The following RIMS1 variants were observed in gnomAD, a reference collection of about 807,000 sequenced individuals.
RIMS1 encodes regulating synaptic membrane exocytosis 1, also known as regulating synaptic membrane exocytosis protein 1.
In RIMS1, 83 loss-of-function variants were observed where a neutral mutation model predicts 214.1. That is an observed-to-expected ratio of 0.39 (90% CI 0.32 to 0.47). RIMS1 has a LOEUF of 0.47. Ranked by LOEUF, RIMS1 falls within the 20% of genes least tolerant of loss-of-function variation. The pLI, the probability that RIMS1 is intolerant of heterozygous loss-of-function variation, is 0.99. For missense variants in RIMS1, 2,050 were observed against 2,161.8 expected, an observed-to-expected ratio of 0.95 and a Z score of 1.03; for synonymous variants, 793 against 786.8, an observed-to-expected ratio of 1.01 and a Z score of -0.13.
intron 4 of RIMS1, among the ~76,000 whole-genome samples, chr6:72,132,998 C>T (rs1227006151): frequency 6.6e-6 from 1 of 151,954 alleles, no homozygotes; most frequent in Non-Finnish European, 1.5e-5. Context: ...CTAGTCATGA[C>T]AAATGAGAAA....
chr6:72,199,907 A>G (rs1312276434), intron 6 of RIMS1, among the ~76,000 whole-genome samples: 1 of 152,132 alleles, frequency 6.6e-6, no homozygotes, highest in Non-Finnish European at 1.5e-5. Context: ...ACGACTAAGA[A>G]AATATCTAAA....
At chr6:72,250,713 A>T (rs1433823858) in intron 13 of RIMS1, among the ~76,000 whole-genome samples, 1 of 152,160 alleles carries the variant, frequency 6.6e-6, no homozygotes, top group Non-Finnish European at 1.5e-5. Flanking sequence ...CATCATTTAG[A>T]ATGTACCTTT....
intron 4 of RIMS1, among the ~76,000 whole-genome samples, chr6:72,166,647 G>C (rs2046304401): frequency 6.6e-6 from 1 of 151,888 alleles, no homozygotes; most frequent in Admixed American, 6.6e-5. Context: ...AGTCCAAGGT[G>C]GGAGGATCAC....
At chr6:72,154,918 C>T (rs753638038) in intron 4 of RIMS1, among the ~76,000 whole-genome samples, 2 of 140,118 alleles carry the variant, frequency 1.4e-5, no homozygotes, top group Admixed American at 7.3e-5. Flanking sequence ...TCATCATAGC[C>T]GAATGGTTGA....
chr6:72,356,028 T>C (rs1029106139), intron 29 of RIMS1, among the ~76,000 whole-genome samples: 2 of 152,156 alleles, frequency 1.3e-5, no homozygotes, highest in African/African-American at 4.8e-5. Flanking sequence ...TTCCACATAA[T>C]CTGGAAGGTG....
At chr6:72,136,047 G>A (rs1455508858) in intron 4 of RIMS1, among the ~76,000 whole-genome samples, 1 of 152,154 alleles carries the variant, frequency 6.6e-6, no homozygotes, top group Middle Eastern at 3.2e-3. Flanking sequence ...ATAAGAATGA[G>A]TTAGGAATTA....
intron 2 of RIMS1, among the ~76,000 whole-genome samples, chr6:72,067,218 G>A (rs1829534844): frequency 6.6e-6 from 1 of 152,078 alleles, no homozygotes; most frequent in Non-Finnish European, 1.5e-5. Flanking sequence ...ATCCCACTAA[G>A]CATAAAATGT....
At chr6:72,307,198 A>T in intron 26 of RIMS1, 60 bp from the exon 27 acceptor site, 1 of 1,031,498 alleles carries the variant, frequency 9.7e-7, no homozygotes. Flanking sequence ...ATCTTAAACC[A>T]TTCAGTTCCT....
Position 72,261,731 on chromosome 6 carries a change from C to T in RIMS1, c.3116+964C>T, listed in dbSNP as rs924592460. 1.0e-5 allele frequency: 10 copies of T among 985,080 alleles called. No homozygotes were observed. The African/African-American group carries it at 1.7e-4, about 17-fold the overall frequency. The allele number at this position is 985,080 out of a possible 1,614,324, so 61.0% of individuals were successfully genotyped here. The stretch of plus-strand genomic sequence containing the variant: ...TTATGTCTGTGTGTAATATGTAGTT[C>T]TGCCCAATAATGCAAACAAAATTGG... On this transcript the variant is annotated intron_variant, in intron 19 of 33. Transcript: ENST00000521978.
chr6:72,131,503 A>C (rs1385134315), intron 4 of RIMS1, among the ~76,000 whole-genome samples: 1 of 152,156 alleles, frequency 6.6e-6, no homozygotes, highest in Non-Finnish European at 1.5e-5. Flanking sequence ...CAAAACCAGC[A>C]TGTTTTTATT....
intron 1 of RIMS1, among the ~76,000 whole-genome samples, chr6:71,924,385 T>C (rs953398324): frequency 6.6e-6 from 1 of 152,104 alleles, no homozygotes; most frequent in African/African-American, 2.4e-5. Flanking sequence ...TTAGTTCCAG[T>C]AAAGGAATTT....
intron 31 of RIMS1, among the ~76,000 whole-genome samples, chr6:72,397,823 C>T (rs1279168300): frequency 6.6e-6 from 1 of 152,004 alleles, no homozygotes; most frequent in Non-Finnish European, 1.5e-5. Flanking sequence ...GATAGACAGA[C>T]AGGCAGAGAG....
chr6:72,321,625 A>G (rs62407508), intron 28 of RIMS1, among the ~76,000 whole-genome samples: 29,999 of 151,992 alleles, frequency 0.2, 3,685 homozygotes, highest in Non-Finnish European at 0.27. Context: ...TCCTAATTCA[A>G]TATTTCTCAA....
chr6:72,199,584 T>G (rs2051570179), intron 6 of RIMS1, among the ~76,000 whole-genome samples: 1 of 152,090 alleles, frequency 6.6e-6, no homozygotes, highest in African/African-American at 2.4e-5. Flanking sequence ...GTTGAAATGC[T>G]CTGGAGAGGG....
chr6:72,021,865 A>G (rs901119571), intron 2 of RIMS1, among the ~76,000 whole-genome samples: 1 of 152,132 alleles, frequency 6.6e-6, no homozygotes, highest in African/African-American at 2.4e-5. Context: ...TGCAGAATTC[A>G]CCCTCACCTT....
intron 6 of RIMS1, among the ~76,000 whole-genome samples, chr6:72,195,155 C>G (rs1241473547): frequency 2.0e-5 from 3 of 152,106 alleles, no homozygotes; most frequent in African/African-American, 7.2e-5. Flanking sequence ...TATATAAATC[C>G]TAAGGCAGGG....
chr6:72,250,504 A>T, intron 13 of RIMS1, 44 bp downstream of exon 13: 1 of 1,349,430 alleles, frequency 7.4e-7, no homozygotes, highest in African/African-American at 1.5e-5. Context: ...AATCTGTACT[A>T]ATAGAAAAGG....
At chr6:72,134,884 G>C (rs2153863826) in intron 4 of RIMS1, among the ~76,000 whole-genome samples, 2 of 152,228 alleles carry the variant, frequency 1.3e-5, no homozygotes, top group Non-Finnish European at 2.9e-5. Context: ...AGATGTTTTA[G>C]ATGTTTTGAG....
At chr6:72,049,920 T>C (rs1179785010) in intron 2 of RIMS1, among the ~76,000 whole-genome samples, 2 of 152,182 alleles carry the variant, frequency 1.3e-5, no homozygotes, top group African/African-American at 4.8e-5. Context: ...AATTCTCTTT[T>C]TAAGTGTAAA....
Sources: gnomAD v4.1 joint callset for allele counts (sites outside exome capture counted in the v4.1 genomes callset) on GRCh38, gnomAD v4.1.1 for gene constraint, MANE v1.5 for transcripts, NCBI Gene and HGNC (gene_info 2026-07-23, HGNC 2026-07-21) for gene names.